ROM1: variants seen among roughly 807,000 people sequenced by gnomAD.
ROM1 encodes rod outer segment membrane protein 1.
Under a neutral mutation model 23.0 loss-of-function variants are expected in ROM1, and 17 were observed. The ratio of observed to expected loss-of-function variants is 0.74; its 90% confidence interval spans 0.51 to 1.11. The LOEUF (loss-of-function observed/expected upper bound fraction) is 1.11, where lower values mean the gene tolerates loss of function less well. Ranked by LOEUF, ROM1 falls within the 50% of genes least tolerant of loss-of-function variation. The pLI, the probability that ROM1 is intolerant of heterozygous loss-of-function variation, is 0.00. For missense variants in ROM1, 436 were observed against 439.7 expected, an observed-to-expected ratio of 0.99 and a Z score of 0.08; for synonymous variants, 200 against 206.5, an observed-to-expected ratio of 0.97 and a Z score of 0.27.
In ROM1 at chr11:62,614,433, G is replaced by A. The variant is rs1277106765; in HGVS notation, c.766G>A (p.Val256Met). 1.9e-5 allele frequency: 30 copies of A among 1,614,184 alleles called. No homozygotes were observed. Among genetic ancestry groups the A allele is most frequent in the Non-Finnish European group, 2.5e-5 (30 of 1,180,028 alleles). Reference protein sequence around the residue: ...QNLWAQGCHEVLLEHLQDLAG... With the variant: ...QNLWAQGCHEMLLEHLQDLAG... Reference sequence around the variant, plus strand: ...CCTCTGGGCCCAAGGGTGCCATGAGGTGCTGCTGGAGCACTTGCAGGACTT... The same window carrying A: ...CCTCTGGGCCCAAGGGTGCCATGAGATGCTGCTGGAGCACTTGCAGGACTT... Residue 256 changes from valine to methionine, a missense_variant, in exon 2 of 3, where the codon GTG becomes ATG. Coordinates refer to ENST00000278833, the MANE Select transcript of ROM1 (RefSeq NM_000327.4).
chr11:62,614,449 T>G lies in ROM1; in HGVS notation c.782T>G (p.Leu261Trp). 1.9e-6 allele frequency: 3 copies of G among 1,614,184 alleles called. No homozygotes were observed. Among genetic ancestry groups the G allele is most frequent in the South Asian group, 1.1e-5 (1 of 91,080 alleles). Residue 261 changes from leucine to tryptophan, a missense_variant, in exon 2 of 3, where the codon TTG becomes TGG. By Grantham distance (61) the Leu-to-Trp change is moderately conservative. Transcript: ENST00000278833. ...TGCCATGAGGTGCTGCTGGAGCACTTGCAGGACTTGGCAGGCACACTGGGT... is the reference window on the plus strand; with the variant it reads ...TGCCATGAGGTGCTGCTGGAGCACTGGCAGGACTTGGCAGGCACACTGGGT... ...QGCHEVLLEH[L>W]QDLAGTLGSM... is the part of the protein sequence containing the mutation.
rs759752657 is a variant in ROM1, at chr11:62,613,534, C to G, written c.253C>G (p.Arg85Gly). ...AGGACTAGTGGGTGTAGGAGCCAGC[C>G]GGGCAAGTCTGAATGCAGCTCTATA... ...GTGLVGVGASRASLNAALYPP... is the reference protein window; with the variant it reads ...GTGLVGVGASGASLNAALYPP... Residue 85 changes from arginine (R) to glycine (G), a missense_variant, in exon 1 of 3, where the codon CGG becomes GGG. Coordinates refer to ENST00000278833, the MANE Select transcript of ROM1 (RefSeq NM_000327.4). 1 of 1,613,724 alleles carries G rather than the reference C, an allele frequency of 6.2e-7. No individual in the cohort carries two copies. The highest frequency in any genetic ancestry group is 8.5e-7 in the Non-Finnish European group (1 of 1,179,876).
chr11:62,614,365 C>T lies in ROM1; in HGVS notation c.698C>T (p.Ser233Phe). ...TGCCTGCAAAACCGTCTTTCAGACT[C>T]CTACGCCCACCCCCTGTTCGATCCC... ...RPCLQNRLSDSYAHPLFDPRQ... is the reference protein window; with the variant it reads ...RPCLQNRLSDFYAHPLFDPRQ... The change falls in exon 2 of 3, where the codon TCC (serine) becomes TTC (phenylalanine). Residue 233 changes from serine to phenylalanine, a missense_variant. Physicochemically the swap from Ser to Phe is radical, Grantham distance 155. Transcript: ENST00000278833. 1.2e-6 allele frequency: 2 copies of T among 1,614,124 alleles called. No homozygotes were observed. The highest frequency in any genetic ancestry group is 1.7e-6 in the Non-Finnish European group (2 of 1,180,010).
chr11:62,614,616 C>A lies in ROM1; in HGVS notation c.838-5C>A, dbSNP rs755886417. 4 of 1,614,136 alleles carry A rather than the reference C, an allele frequency of 2.5e-6. No homozygotes were observed. The highest frequency in any genetic ancestry group is 1.7e-5 in the Admixed American group (1 of 60,010). ...CCTGACTCTTTCCCCTTGCTTCCCC[C>A]ACAGGCTCTGGTGCTCCTTGGCCTG... is the stretch of plus-strand genomic sequence containing the variant. On this transcript the variant is annotated splice_polypyrimidine_tract_variant and splice_region_variant and intron_variant, in intron 2 of 2. Coordinates refer to ENST00000278833, the MANE Select transcript of ROM1 (RefSeq NM_000327.4).
At position 62,614,241 on chromosome 11, in the gene ROM1, T is replaced by G; in HGVS notation, c.591-17T>G. 2.5e-6 allele frequency: 4 copies of G among 1,614,000 alleles called. No individual in the cohort carries two copies. The highest frequency in any genetic ancestry group is 3.4e-6 in the Non-Finnish European group (4 of 1,179,926). On this transcript the variant is annotated splice_polypyrimidine_tract_variant and intron_variant, in intron 1 of 2. Transcript: ENST00000278833. ...CTATCTCCAGACATCCTAACCCCTC[T>G]GTCCCTCCCTTTGCAGCCGGATCCA...
intron 2 of ROM1, 39 bp downstream of exon 2, chr11:62,614,543 G>C: frequency 6.2e-7 from 1 of 1,614,020 alleles, no homozygotes; most frequent in Non-Finnish European, 8.5e-7. Context: ...TCCCACCCGG[G>C]ACTCCTCCCT....
At position 62,614,462 on chromosome 11, in the gene ROM1, A is replaced by T; in HGVS notation, c.795A>T (p.Ala265=). The T allele has an allele frequency of 6.2e-7, 1 of 1,614,154 alleles. No individual in the cohort carries two copies. The highest frequency in any genetic ancestry group is 8.5e-7 in the Non-Finnish European group (1 of 1,180,018). The change falls in exon 2 of 3, where the codon GCA becomes GCT. Residue 265 remains alanine, a synonymous_variant. Transcript: ENST00000278833. ...TGCTGGAGCACTTGCAGGACTTGGC[A>T]GGCACACTGGGTAGCATGCTGGCTG... ...EVLLEHLQDL[A]GTLGSMLAVT...
chr11:62,614,574 T>A, intron 2 of ROM1, 47 bp from the exon 3 acceptor site: 1 of 1,614,176 alleles, frequency 6.2e-7, no homozygotes, highest in Non-Finnish European at 8.5e-7. Context: ...CTGGGCCTCT[T>A]GGAACCGCTG....
chr11:62,613,793 G>A lies in ROM1; in HGVS notation c.512G>A (p.Arg171His), dbSNP rs150926409. The change falls in exon 1 of 3, where the codon CGC becomes CAC. Residue 171 changes from arginine (R) to histidine (H), a missense_variant. Transcript: ENST00000278833. Reference sequence around the variant, plus strand: ...CAACTGAGGTACCACTGCTGCGGGCGCCACGGGTACAAGGATTGGTTTGGG... The same window carrying A: ...CAACTGAGGTACCACTGCTGCGGGCACCACGGGTACAAGGATTGGTTTGGG... ...ELQLRYHCCG[R>H]HGYKDWFGVQ... The A allele has an allele frequency of 1.9e-4, 308 of 1,614,168 alleles. No homozygotes were observed. In the African/African-American group the frequency reaches 2.5e-3, roughly 13 times the overall value.
chr11:62,614,917 G>T lies in ROM1; in HGVS notation c.*78G>T. 1 of 1,254,694 alleles carries T rather than the reference G, an allele frequency of 8.0e-7. No individual in the cohort carries two copies. Among genetic ancestry groups the T allele is most frequent in the South Asian group, 1.2e-5 (1 of 81,514 alleles). 77.7% of individuals were successfully genotyped at this position (1,254,694 alleles called of 1,614,324 possible). On this transcript the variant is annotated 3_prime_UTR_variant, in exon 3 of 3. Coordinates refer to ENST00000278833, the MANE Select transcript of ROM1 (RefSeq NM_000327.4). Reference sequence around the variant, plus strand: ...TCACAACTCCTTACCAAGGCTCCAGGTTGGGGGGATCGTAGGATTAGAGGG... The same window carrying T: ...TCACAACTCCTTACCAAGGCTCCAGTTTGGGGGGATCGTAGGATTAGAGGG...
Position 62,613,633 on chromosome 11 carries a change from G to A in ROM1, c.352G>A (p.Gly118Ser), listed in dbSNP as rs961448813. 14 of 1,613,158 alleles carry A rather than the reference G, an allele frequency of 8.7e-6. No individual in the cohort carries two copies. Among genetic ancestry groups the A allele is most frequent in the Admixed American group, 5.0e-5 (3 of 59,968 alleles). Reference protein sequence around the residue: ...TAGGGGLLVVGLGLALALPGS... With the variant: ...TAGGGGLLVVSLGLALALPGS... ...TGGTGGGGGGGGGCTCCTGGTCGTC[G>A]GCCTCGGGCTAGCCCTGGCTTTGCC... Residue 118 changes from glycine to serine, a missense_variant, in exon 1 of 3, where the codon GGC becomes AGC. Coordinates refer to ENST00000278833, the MANE Select transcript of ROM1 (RefSeq NM_000327.4).
chr11:62,614,972 G>A lies in ROM1; in HGVS notation c.*133G>A. 4.1e-6 allele frequency: 3 copies of A among 739,078 alleles called. No homozygotes were observed. The highest frequency in any genetic ancestry group is 1.7e-5 in the South Asian group (1 of 58,784). The allele number at this position is 739,078 out of a possible 1,614,324, so 45.8% of individuals were successfully genotyped here. A position where few individuals can be genotyped will look rare whatever the true frequency, so the allele number is the denominator to read the frequency against. ...AGGATAGTCAGCGAGCTGGACTGGG[G>A]TAAGAAAGAAAACCAGATGTCCTAG... is the stretch of plus-strand genomic sequence containing the variant. On this transcript the variant is annotated 3_prime_UTR_variant, in exon 3 of 3. Transcript: ENST00000278833.
At chr11:62,613,960 G>C in intron 1 of ROM1, 89 bp downstream of exon 1, 9 of 1,593,142 alleles carry the variant, frequency 5.6e-6, no homozygotes, top group Non-Finnish European at 7.7e-6. Flanking sequence ...GCTCAGAGGG[G>C]CAATAAGTAG....
chr11:62,613,967 G>C (rs1942965098), intron 1 of ROM1, 96 bp downstream of exon 1: 1 of 1,586,934 alleles, frequency 6.3e-7, no homozygotes, highest in Non-Finnish European at 8.6e-7. Flanking sequence ...GGGGCAATAA[G>C]TAGAACATAG....
intron 1 of ROM1, among the ~76,000 whole-genome samples, 162 bp from the exon 2 acceptor site, chr11:62,614,096 T>TA (rs1226248040): frequency 2.0e-5 from 3 of 152,104 alleles, no homozygotes; most frequent in African/African-American, 4.8e-5. Flanking sequence ...ACTTATCTGA[T>TA]AGAGTTGTTG....
In ROM1 at chr11:62,613,611, T is replaced by TG. The variant is rs71458427; in HGVS notation, c.339dup (p.Leu114AlafsTer18). The TG allele has an allele frequency of 7.2e-4, 1,135 of 1,576,808 alleles. 2 individuals carry two copies. The highest frequency in any genetic ancestry group is 3.1e-3 in the East Asian group (138 of 44,022). ...CGCTGCTGGTGGCTGGCACGGCTGG[T>TG]GGGGGGGGGCTCCTGGTCGTCGGCC... On this transcript the variant is annotated frameshift_variant, in exon 1 of 3. Coordinates refer to ENST00000278833, the MANE Select transcript of ROM1 (RefSeq NM_000327.4). LOFTEE classifies it high-confidence loss of function.
rs1345974430 is a variant in ROM1 at position 62,614,636 on chromosome 11, G to A, written c.853G>A (p.Gly285Ser). The A allele has an allele frequency of 2.4e-5, 39 of 1,614,070 alleles. No homozygotes were observed. The highest frequency in any genetic ancestry group is 3.2e-5 in the Non-Finnish European group (38 of 1,180,046). The change falls in exon 3 of 3, where the codon GGC (glycine) becomes AGC (serine). Residue 285 changes from glycine to serine, a missense_variant. Transcript: ENST00000278833. ...TFLLQALVLL[G>S]LRYLQTALEG... ...TCCCCCACAGGCTCTGGTGCTCCTT[G>A]GCCTGCGGTACCTGCAAACAGCACT...
At chr11:62,614,078 A>G (rs1052456499) in intron 1 of ROM1, among the ~76,000 whole-genome samples, 180 bp from the exon 2 acceptor site, 3 of 152,160 alleles carry the variant, frequency 2.0e-5, no homozygotes, top group African/African-American at 7.2e-5. Flanking sequence ...TAAAATGGAA[A>G]TAATAGTACT....
Position 62,614,415 on chromosome 11 carries a change from G to A in ROM1, c.748G>A (p.Ala250Thr). The change falls in exon 2 of 3, where the codon GCC becomes ACC. Residue 250 changes from alanine to threonine, a missense_variant. By Grantham distance (58) the Ala-to-Thr change is moderately conservative. Coordinates refer to ENST00000278833, the MANE Select transcript of ROM1 (RefSeq NM_000327.4). ...CCGACAACCCAACCAAAACCTCTGG[G>A]CCCAAGGGTGCCATGAGGTGCTGCT... ...DPRQPNQNLW[A>T]QGCHEVLLEH... 1 of 1,614,140 alleles carries A rather than the reference G, an allele frequency of 6.2e-7. No homozygotes were observed.
Sources: allele counts gnomAD v4.1 joint callset (sites outside exome capture counted in the v4.1 genomes callset), GRCh38; gene constraint gnomAD v4.1.1; transcripts MANE v1.5; gene names NCBI Gene and HGNC (gene_info 2026-07-23, HGNC 2026-07-21).